DACH2: variants seen among roughly 807,000 people sequenced by gnomAD.
DACH2 encodes dachshund family transcription factor 2.
Under a neutral mutation model 35.8 loss-of-function variants are expected in DACH2, and 17 were observed. The observed-to-expected ratio is 0.48, with a 90% CI of 0.33 to 0.71. The LOEUF is 0.71. Ranked by LOEUF, DACH2 falls within the 30% of genes least tolerant of loss-of-function variation. The pLI, the probability that DACH2 is intolerant of heterozygous loss-of-function variation, is 0.02. For missense variants in DACH2, 469 were observed against 472.7 expected (o/e 0.99, Z 0.07); for synonymous variants, 195 against 177.3 (o/e 1.10, Z -0.79).
chrX:86,616,371 T>C (rs1353470725), intron 3 of DACH2, among the ~76,000 whole-genome samples: 2 of 112,087 alleles, frequency 1.8e-5, no homozygotes, highest in Non-Finnish European at 3.8e-5. Context: ...ATGATTTAAC[T>C]ACTTCACACT....
intron 6 of DACH2, among the ~76,000 whole-genome samples, chrX:86,721,546 A>G (rs1395927025): frequency 9.0e-6 from 1 of 111,503 alleles, no homozygotes; most frequent in East Asian, 2.8e-4. Flanking sequence ...AACCCATTCA[A>G]TGAGTCTCTA....
intron 6 of DACH2, among the ~76,000 whole-genome samples, chrX:86,727,786 G>A (rs955545090): frequency 1.9e-4 from 21 of 111,932 alleles, no homozygotes; most frequent in African/African-American, 6.8e-4. Flanking sequence ...AGATGCCAGT[G>A]ATATGCTTCC....
At chrX:86,669,017 T>C (rs968204978) in intron 4 of DACH2, among the ~76,000 whole-genome samples, 2 of 111,626 alleles carry the variant, frequency 1.8e-5, no homozygotes, top group African/African-American at 6.5e-5. Flanking sequence ...ATTTAATGAG[T>C]TGACAGGCTA....
chrX:86,344,282 G>C (rs989961409), intron 1 of DACH2, among the ~76,000 whole-genome samples: 3 of 105,031 alleles, frequency 2.9e-5, no homozygotes, highest in Non-Finnish European at 5.8e-5. Flanking sequence ...AAACAGCAAG[G>C]TATTAATGAT....
At chrX:86,256,528 A>G (rs951471226) in intron 1 of DACH2, among the ~76,000 whole-genome samples, 2 of 111,651 alleles carry the variant, frequency 1.8e-5, no homozygotes, top group African/African-American at 3.3e-5. Context: ...GCGTGAGACT[A>G]AATTTTCTCC....
At chrX:86,807,687 G>T (rs918695543) in intron 7 of DACH2, among the ~76,000 whole-genome samples, 5 of 111,901 alleles carry the variant, frequency 4.5e-5, no homozygotes, top group Non-Finnish European at 9.4e-5. Flanking sequence ...TGCTCTAAAA[G>T]ATTTAGCAAG....
chrX:86,325,859 G>A (rs1226131383), intron 1 of DACH2, among the ~76,000 whole-genome samples: 1 of 111,599 alleles, frequency 9.0e-6, no homozygotes, highest in African/African-American at 3.3e-5. Context: ...AGATAGATAT[G>A]GGTTTGATCC....
intron 6 of DACH2, among the ~76,000 whole-genome samples, chrX:86,720,532 A>T (rs898747401): frequency 8.9e-6 from 1 of 111,901 alleles, no homozygotes; most frequent in Non-Finnish European, 1.9e-5. Context: ...CATATCTCAC[A>T]TCCAGTTCAT....
rs768888469 is a variant in DACH2 at position 86,704,099 on chromosome X, T to A, written c.931+8920T>A. Among the ~76,000 whole-genome samples the A allele has an allele frequency of 3.6e-5, 4 of 112,058 alleles. No homozygotes were observed. The East Asian group carries it at 1.1e-3, about 31-fold the overall frequency. On this transcript the variant is annotated intron_variant, in intron 5 of 11. Coordinates refer to ENST00000373125, the MANE Select transcript of DACH2 (RefSeq NM_053281.3). ...AACCAAAACCAAAACAGCATGGTAC[T>A]TATATGAATATAGACATATAGACCA...
intron 1 of DACH2, among the ~76,000 whole-genome samples, chrX:86,231,594 C>T (rs916687910): frequency 9.0e-6 from 1 of 111,604 alleles, no homozygotes; most frequent in Non-Finnish European, 1.9e-5. Context: ...CCCACCGTGC[C>T]ACCTGCAACA....
chrX:86,652,261 T>C (rs902434639), intron 4 of DACH2, among the ~76,000 whole-genome samples: 1 of 112,330 alleles, frequency 8.9e-6, no homozygotes, highest in Non-Finnish European at 1.9e-5. Flanking sequence ...TCCATGTTCC[T>C]GCAAAGGAAA....
At chrX:86,531,035 G>A (rs780928192) in intron 3 of DACH2, among the ~76,000 whole-genome samples, 12 of 111,537 alleles carry the variant, frequency 1.1e-4, no homozygotes, top group Non-Finnish European at 2.1e-4. Flanking sequence ...GATTATTTAG[G>A]GTATCTGGTG....
chrX:86,501,632 C>T (rs2038250121), intron 2 of DACH2, among the ~76,000 whole-genome samples: 1 of 111,905 alleles, frequency 8.9e-6, no homozygotes, highest in South Asian at 3.7e-4. Flanking sequence ...GACCTTGCTT[C>T]CCCACTTTTC....
chrX:86,683,384 G>A (rs192105393), intron 4 of DACH2, among the ~76,000 whole-genome samples: 2 of 111,620 alleles, frequency 1.8e-5, no homozygotes, highest in Admixed American at 1.9e-4. Flanking sequence ...GAGGAGAACA[G>A]GCTATATATA....
At chrX:86,483,328 C>T (rs780384829) in intron 2 of DACH2, among the ~76,000 whole-genome samples, 1 of 110,387 alleles carries the variant, frequency 9.1e-6, no homozygotes, top group Non-Finnish European at 1.9e-5. Context: ...TTGATCTATG[C>T]GGGAGATAGC....
At chrX:86,189,656 T>G (rs180976542) in intron 1 of DACH2, among the ~76,000 whole-genome samples, 1,562 of 111,450 alleles carry the variant, frequency 0.014, 38 homozygotes, top group African/African-American at 0.049. Context: ...TCTTAGGCTA[T>G]GGTACAAAAA....
intron 6 of DACH2, among the ~76,000 whole-genome samples, chrX:86,726,964 G>A (rs182717766): frequency 2.1e-4 from 23 of 111,935 alleles, no homozygotes; most frequent in Middle Eastern, 9.2e-3. Flanking sequence ...TTTGAAATGT[G>A]AATATCTACT....
intron 1 of DACH2, among the ~76,000 whole-genome samples, chrX:86,185,220 A>G (rs995163345): frequency 6.3e-5 from 7 of 111,997 alleles, no homozygotes; most frequent in Non-Finnish European, 1.1e-4. Flanking sequence ...ACCTAAGGTT[A>G]TCATGCATAT....
intron 7 of DACH2, among the ~76,000 whole-genome samples, chrX:86,811,406 A>G (rs948124338): frequency 2.7e-5 from 3 of 111,765 alleles, no homozygotes; most frequent in Non-Finnish European, 3.8e-5. Context: ...CATATTCCAT[A>G]CCTATAGGAA....
Sources: gnomAD v4.1 joint callset for allele counts (sites outside exome capture counted in the v4.1 genomes callset) on GRCh38, gnomAD v4.1.1 for gene constraint, MANE v1.5 for transcripts, NCBI Gene and HGNC (gene_info 2026-07-23, HGNC 2026-07-21) for gene names.